Variants in SYNPO observed in about 807,000 individuals in gnomAD.
The protein encoded by SYNPO is synaptopodin.
Under a neutral mutation model 49.5 loss-of-function variants are expected in SYNPO, and 19 were observed. The ratio of observed to expected loss-of-function variants is 0.38; its 90% confidence interval spans 0.27 to 0.56. The LOEUF is 0.56. SYNPO is among the 20% of genes least tolerant of loss of function. The pLI, the probability that SYNPO is intolerant of heterozygous loss-of-function variation, is 0.68. For missense variants in SYNPO, 1,131 were observed against 1,248.3 expected, an observed-to-expected ratio of 0.91 and a Z score of 1.42; for synonymous variants, 536 against 548.0, an observed-to-expected ratio of 0.98 and a Z score of 0.31.
At chr5:150,600,088 C>T (rs973584241), upstream of SYNPO, among the ~76,000 whole-genome samples, 4 of 152,236 alleles carry the variant, frequency 2.6e-5, no homozygotes, top group African/African-American at 9.6e-5. Flanking sequence ...TGCTGCGTGA[C>T]TTTGGCCAAA....
intron 2 of SYNPO, among the ~76,000 whole-genome samples, chr5:150,629,344 A>G (rs1757465287): frequency 1.3e-5 from 2 of 152,130 alleles, no homozygotes; most frequent in African/African-American, 4.8e-5. Flanking sequence ...CACAGCGGAA[A>G]ATGCCTGGAC....
Position 150,618,548 on chromosome 5 carries a change from G to T in SYNPO, c.181G>T (p.Val61Phe), listed in dbSNP as rs1757047406. 4 of 1,550,614 alleles carry T rather than the reference G, an allele frequency of 2.6e-6. No homozygotes were observed. The East Asian group carries it at 7.3e-5, about 28-fold the overall frequency. ...TACCGACCTGGAAGAGGATGAGGGG[G>T]TCAGCAGGAGTGGGGACGACTCTGC... The change falls in exon 2 of 3, where the codon GTC becomes TTC. Residue 61 changes from valine to phenylalanine, a missense_variant. By Grantham distance (50) the Val-to-Phe change is conservative. Transcript: ENST00000394243.
intron 2 of SYNPO, chr5:150,624,883 C>G (rs1214870076): frequency 2.0e-6 from 2 of 985,266 alleles, no homozygotes; most frequent in East Asian, 1.1e-4. Flanking sequence ...CCCGGGAGCT[C>G]GGGGACCGTG....
intron 1 of SYNPO, among the ~76,000 whole-genome samples, chr5:150,605,478 G>A (rs1387282322): frequency 6.6e-6 from 1 of 151,966 alleles, no homozygotes; most frequent in Non-Finnish European, 1.5e-5. Flanking sequence ...TGGCAACAAG[G>A]CAGGGATGGA....
intron 1 of SYNPO, among the ~76,000 whole-genome samples, chr5:150,611,075 G>A (rs959009696): frequency 1.3e-5 from 2 of 152,096 alleles, no homozygotes; most frequent in Non-Finnish European, 2.9e-5. Flanking sequence ...ACACGGAATG[G>A]CATCTGTTAA....
At chr5:150,630,487 C>T (rs1757501432) in intron 2 of SYNPO, among the ~76,000 whole-genome samples, 1 of 152,228 alleles carries the variant, frequency 6.6e-6, no homozygotes, top group South Asian at 2.1e-4. Flanking sequence ...GACATTATTC[C>T]CAATATGGGG....
At chr5:150,613,450 G>T (rs956460759) in intron 1 of SYNPO, among the ~76,000 whole-genome samples, 2 of 152,174 alleles carry the variant, frequency 1.3e-5, no homozygotes, top group Non-Finnish European at 2.9e-5. Flanking sequence ...GGCCTTGATG[G>T]ATGATCTTTA....
At chr5:150,608,566 T>C (rs1293679020) in intron 1 of SYNPO, 1 of 152,146 alleles carries the variant, frequency 6.6e-6, no homozygotes, top group Admixed American at 6.5e-5. Flanking sequence ...TTAATACATT[T>C]TTTTTTTCCT....
At chr5:150,624,942 G>T (rs2151378538) in intron 2 of SYNPO, 1 of 985,572 alleles carries the variant, frequency 1.0e-6, no homozygotes, top group African/African-American at 1.7e-5. Context: ...AGGGGTGCGG[G>T]CACCGCGCGA....
chr5:150,603,132 T>C (rs1455974792), intron 1 of SYNPO, among the ~76,000 whole-genome samples: 2 of 152,124 alleles, frequency 1.3e-5, no homozygotes, highest in Non-Finnish European at 2.9e-5. Flanking sequence ...AAAAGCTGGA[T>C]GCCCAAGGTC....
chr5:150,648,897 G>A lies in SYNPO; in HGVS notation c.622G>A (p.Glu208Lys). ...PNTLVVSADQ[E>K]MSGRAAATTP... ...CACCCTAGTGGTGTCAGCAGATCAA[G>A]AGATGTCTGGGCGAGCAGCTGCCAC... The change falls in exon 2 of 3, where the codon GAG becomes AAG. Residue 208 changes from glutamate (E) to lysine (K), a missense_variant. Transcript: ENST00000307662. This position sits in a 1 kb window ranked among gnomAD's most constrained non-coding sequence, Gnocchi z 5.0. 6.2e-7 allele frequency: 1 copy of A among 1,614,212 alleles called. No individual in the cohort carries two copies. The highest frequency in any genetic ancestry group is 8.5e-7 in the Non-Finnish European group (1 of 1,180,046).
At position 150,648,576 on chromosome 5, in the gene SYNPO, C is replaced by G. The variant is rs560109540; in HGVS notation, c.301C>G (p.Pro101Ala). The G allele has an allele frequency of 6.2e-7, 1 of 1,614,218 alleles. No homozygotes were observed. Among genetic ancestry groups the G allele is most frequent in the East Asian group, 2.2e-5 (1 of 44,878 alleles). The change falls in exon 2 of 3, where the codon CCG (proline) becomes GCG (alanine). Residue 101 changes from proline (P) to alanine (A), a missense_variant. By Grantham distance (27) the Pro-to-Ala change is conservative. Around this residue, in one of 4 missense-constraint regions of SYNPO, gnomAD observed 602 missense variants for 720.7 expected, o/e 0.84. Transcript: ENST00000307662. This position sits in a 1 kb window ranked among gnomAD's most constrained non-coding sequence, Gnocchi z 5.0. The stretch of plus-strand genomic sequence containing the variant: ...AGCCACCGATGTCAATCAGAACCCA[C>G]CGGCAACTGTTGTCCCACAGAGCCT... ...PPATDVNQNP[P>A]ATVVPQSLPL...
At chr5:150,618,081 T>C in intron 1 of SYNPO, 1 of 331,732 alleles carries the variant, frequency 3.0e-6, no homozygotes, top group Non-Finnish European at 5.5e-6. Context: ...ATGTGCTGTT[T>C]CTTTCTTCCC....
intron 1 of SYNPO, among the ~76,000 whole-genome samples, chr5:150,602,584 C>T (rs1023869628): frequency 6.6e-5 from 10 of 152,158 alleles, no homozygotes; most frequent in East Asian, 1.9e-4. Context: ...GCTGTCATTA[C>T]GCTTCCAGCA....
intron 1 of SYNPO, among the ~76,000 whole-genome samples, chr5:150,613,284 G>T (rs1390909296): frequency 6.6e-6 from 1 of 151,920 alleles, no homozygotes. Context: ...CCCCTACTTT[G>T]TCTCTCCAGC....
intron 1 of SYNPO, among the ~76,000 whole-genome samples, chr5:150,609,399 A>G (rs573634791): frequency 2.0e-5 from 3 of 151,946 alleles, no homozygotes; most frequent in African/African-American, 7.2e-5. Flanking sequence ...GGTTCAAGCA[A>G]TTCTCCTGCC....
chr5:150,602,261 T>C (rs1468444880), intron 1 of SYNPO, among the ~76,000 whole-genome samples: 1 of 152,232 alleles, frequency 6.6e-6, no homozygotes, highest in Non-Finnish European at 1.5e-5. Context: ...GCCACTGCCT[T>C]GCTACGGATG....
At position 150,656,513 on chromosome 5, in the gene SYNPO, G is replaced by C; in HGVS notation, c.2138G>C (p.Gly713Ala). Residue 713 changes from glycine (G) to alanine (A), a missense_variant, in exon 3 of 3, where the codon GGG becomes GCG. Gly to Ala is a moderately conservative substitution (Grantham distance 60, BLOSUM62 0). Transcript: ENST00000307662. ...VSPGPWEPGR[G>A]SSMSSPPPLP... ...CCGGGCCCGTGGGAGCCAGGTCGCG[G>C]GAGCAGCATGAGCAGCCCCCCGCCG... 1 of 1,531,772 alleles carries C rather than the reference G, an allele frequency of 6.5e-7. No homozygotes were observed. The highest frequency in any genetic ancestry group is 2.0e-5 in the Admixed American group (1 of 50,846). The allele number at this position is 1,531,772 out of a possible 1,614,324, so 94.9% of individuals were successfully genotyped here.
At chr5:150,588,676 G>T in the SYNPO span, among the ~76,000 whole-genome samples, 2 of 152,030 alleles carry the variant, frequency 1.3e-5, no homozygotes, top group African/African-American at 4.8e-5. Flanking sequence ...GGGGGCAGGG[G>T]AGAGAAGAGG....
Sources: allele counts gnomAD v4.1 joint callset (sites outside exome capture counted in the v4.1 genomes callset), GRCh38; gene constraint gnomAD v4.1.1; regional missense constraint gnomAD v4.1.1; non-coding constraint Gnocchi (gnomAD v3.1); transcripts MANE v1.5; gene names NCBI Gene and HGNC (gene_info 2026-07-23, HGNC 2026-07-21).